The following CHD5 variants were observed in gnomAD, a reference collection of about 807,000 sequenced individuals.
CHD5 encodes the protein ATP-dependent chromatin remodeler CHD5.
A neutral mutation model predicts 230.3 loss-of-function variants in CHD5; 69 were observed. That is an observed-to-expected ratio of 0.30 (90% confidence interval 0.25 to 0.37). The LOEUF (loss-of-function observed/expected upper bound fraction) is 0.37. Among genes scored for constraint, CHD5 ranks in the 10% least tolerant of loss-of-function variants. The pLI, the probability that CHD5 is intolerant of heterozygous loss-of-function variation, is 1.00. For synonymous variants in CHD5, 1,064 were observed against 1,065.9 expected (o/e 1.00, Z 0.03); for missense variants, 1,827 against 2,622.8 (o/e 0.70, Z 6.63).
In CHD5 at chr1:6,154,733, A is replaced by C. The variant is rs1291303389; in HGVS notation, c.672T>G (p.Pro224=). 1.2e-6 allele frequency: 2 copies of C among 1,609,526 alleles called. No individual in the cohort carries two copies. Among genetic ancestry groups the C allele is most frequent in the Non-Finnish European group, 1.7e-6 (2 of 1,178,286 alleles). Residue 224 remains proline (P), a synonymous_variant, in exon 5 of 42, where the codon CCT becomes CCG. Transcript: ENST00000262450. The surrounding 1 kb of genome is among the most constrained non-coding windows in gnomAD (Gnocchi z 7.0). ...CCTGCGGGGGGCTGACGGCTAGCGG[A>C]GGGGAGATGGTGACCGTCTCTACAG... ...AAAVETVTIS[P]PLAVSPPQVP...
chr1:6,149,524 A>G, intron 7 of CHD5, 112 bp from the exon 8 acceptor site: 1 of 1,081,098 alleles, frequency 9.2e-7, no homozygotes, highest in South Asian at 2.2e-5. Flanking sequence ...TAGAGGGTGG[A>G]TGGAAAGGTG....
intron 1 of CHD5, among the ~76,000 whole-genome samples, chr1:6,176,833 C>T (rs1024649959): frequency 1.3e-5 from 2 of 152,238 alleles, no homozygotes; most frequent in African/African-American, 4.8e-5. Context: ...ATGCTCAGAG[C>T]TAGAAGCCAA....
intron 15 of CHD5, among the ~76,000 whole-genome samples, chr1:6,140,863 G>A (rs1180094101): frequency 6.6e-6 from 1 of 151,912 alleles, no homozygotes; most frequent in African/African-American, 2.4e-5. Flanking sequence ...AGCTGAGTGT[G>A]GTGGTGTGTA....
At chr1:6,137,707 T>A (rs1280647522) in intron 15 of CHD5, among the ~76,000 whole-genome samples, 1 of 152,256 alleles carries the variant, frequency 6.6e-6, no homozygotes, top group African/African-American at 2.4e-5. Flanking sequence ...ACAAATGGCA[T>A]AGCCAGGATA....
intron 25 of CHD5, 137 bp downstream of exon 25, chr1:6,127,909 C>G: frequency 1.4e-6 from 1 of 708,604 alleles, no homozygotes; most frequent in Non-Finnish European, 2.3e-6. Flanking sequence ...GGGGCTGCGG[C>G]TGGAGGGCGG....
At chr1:6,123,030 G>A (rs892109184) in intron 31 of CHD5, among the ~76,000 whole-genome samples, 1 of 150,494 alleles carries the variant, frequency 6.6e-6, no homozygotes, top group Non-Finnish European at 1.5e-5. Flanking sequence ...TCACTCCATC[G>A]CACTCCAGCC....
Position 6,136,504 on chromosome 1 carries a change from C to T in CHD5, c.2696+13G>A, listed in dbSNP as rs1235994750. The T allele has an allele frequency of 1.2e-6, 2 of 1,612,866 alleles. No individual in the cohort carries two copies. Among genetic ancestry groups the T allele is most frequent in the Non-Finnish European group, 1.7e-6 (2 of 1,179,814 alleles). On this transcript the variant is annotated intron_variant, in intron 17 of 41. Transcript: ENST00000262450. The stretch of plus-strand genomic sequence containing the variant: ...CCCACCACCACCTCCCTAGCCAGAT[C>T]CAGGTGACTCACTTGAACCTCTCTG...
intron 2 of CHD5, among the ~76,000 whole-genome samples, chr1:6,164,426 C>G (rs1667221932): frequency 6.6e-6 from 1 of 152,244 alleles, no homozygotes; most frequent in African/African-American, 2.4e-5. Context: ...CCTGCGCTCG[C>G]TAGGGTCTGA....
rs576702811 is a variant in CHD5 at position 6,167,191 on chromosome 1, C to T, written c.207+959G>A. ...GAAAGGTGGAGAGCTGGCCTCAGGT[C>T]CCCCCGGGGCAGGTGGGAGGGGAGA... is the stretch of plus-strand genomic sequence containing the variant. On this transcript the variant is annotated intron_variant, in intron 2 of 41. Coordinates refer to ENST00000262450, the MANE Select transcript of CHD5 (RefSeq NM_015557.3). This position sits in a 1 kb window ranked among gnomAD's most constrained non-coding sequence, Gnocchi z 4.5. Among the ~76,000 whole-genome samples, 35 of 151,442 alleles carry T rather than the reference C, an allele frequency of 2.3e-4. No individual in the cohort carries two copies. Among genetic ancestry groups the T allele is most frequent in the African/African-American group, 6.9e-4 (28 of 40,760 alleles).
At chr1:6,147,010 C>T in intron 9 of CHD5, 139 bp from the exon 10 acceptor site, 1 of 657,946 alleles carries the variant, frequency 1.5e-6, no homozygotes. Context: ...ACGGTGACGC[C>T]ATGACATCCA....
Position 6,124,664 on chromosome 1 carries a change from G to T in CHD5, c.4395-3C>A. ...GCATGAAGAGGGACACATAGGCTCT[G>T]GGGTGGGGGGGGGGGACTGGGGCTC... On this transcript the variant is annotated splice_polypyrimidine_tract_variant and splice_region_variant and intron_variant, in intron 29 of 41. Transcript: ENST00000262450. 7.1e-7 allele frequency: 1 copy of T among 1,401,876 alleles called. No homozygotes were observed. Among genetic ancestry groups the T allele is most frequent in the Non-Finnish European group, 9.7e-7 (1 of 1,031,652 alleles). 86.8% of individuals were successfully genotyped at this position (1,401,876 alleles called of 1,614,324 possible).
At chr1:6,135,805 C>T (rs953602904) in intron 17 of CHD5, among the ~76,000 whole-genome samples, 6 of 152,054 alleles carry the variant, frequency 3.9e-5, no homozygotes, top group Admixed American at 1.3e-4. Flanking sequence ...GTCGGGAGTT[C>T]AAGACCAGCC....
intron 15 of CHD5, among the ~76,000 whole-genome samples, chr1:6,139,587 A>G (rs1340034315): frequency 1.3e-5 from 2 of 150,658 alleles, no homozygotes; most frequent in Non-Finnish European, 3.0e-5. Context: ...TTGCCCAGGC[A>G]AGAGTACAAC....
At chr1:6,175,681 AATGGATGGATGG>A (rs545057422) in intron 1 of CHD5, among the ~76,000 whole-genome samples, 1 of 147,714 alleles carries the variant, frequency 6.8e-6, no homozygotes, top group Non-Finnish European at 1.5e-5. Flanking sequence ...AACAAGAACA[AATGGATGGATGG>A]ATGGATGGAT....
intron 9 of CHD5, among the ~76,000 whole-genome samples, chr1:6,147,997 C>G (rs927519534): frequency 6.6e-6 from 1 of 151,676 alleles, no homozygotes; most frequent in Non-Finnish European, 1.5e-5. Context: ...ACTCCTGCCC[C>G]CCTCCCATCC....
intron 1 of CHD5, among the ~76,000 whole-genome samples, chr1:6,178,379 CG>C (rs1198332093): frequency 6.6e-6 from 1 of 152,144 alleles, no homozygotes; most frequent in Non-Finnish European, 1.5e-5. Flanking sequence ...ACTCCACCAG[CG>C]GGTCGGTGCA....
rs1383048720 is a variant in CHD5, at chr1:6,128,643, A to G, written c.3620-34T>C. 10 of 1,542,194 alleles carry G rather than the reference A, an allele frequency of 6.5e-6. No homozygotes were observed. The African/African-American group carries it at 6.8e-5, about 10-fold the overall frequency. ...CAGAGAAGGAAAGCACTGGTGCAGG[A>G]CCACAGAGGGCTGCAGGGTTGGCGG... On this transcript the variant is annotated intron_variant, in intron 23 of 41. Transcript: ENST00000262450. This position sits in a 1 kb window ranked among gnomAD's most constrained non-coding sequence, Gnocchi z 7.8.
rs1666537792 is a variant in CHD5, at chr1:6,125,327, G to C, written c.4261-94C>G. 1.5e-6 allele frequency: 2 copies of C among 1,317,536 alleles called. No homozygotes were observed. Among genetic ancestry groups the C allele is most frequent in the Non-Finnish European group, 2.1e-6 (2 of 965,364 alleles). The allele number at this position is 1,317,536 out of a possible 1,614,324, so 81.6% of individuals were successfully genotyped here. On this transcript the variant is annotated intron_variant, in intron 28 of 41. Coordinates refer to ENST00000262450, the MANE Select transcript of CHD5 (RefSeq NM_015557.3). This position sits in a 1 kb window ranked among gnomAD's most constrained non-coding sequence, Gnocchi z 6.7. ...GGGGAAGAAAAGCATGGGAGGAGGA[G>C]AAGGTAGGAAGGGGGCACAGAGAAG...
chr1:6,151,719 C>G (rs1667011213), intron 6 of CHD5, among the ~76,000 whole-genome samples: 1 of 152,236 alleles, frequency 6.6e-6, no homozygotes, highest in African/African-American at 2.4e-5. Context: ...CGGGCCACAC[C>G]TTCTCTCCAT....
Sources: allele counts gnomAD v4.1 joint callset (sites outside exome capture counted in the v4.1 genomes callset), GRCh38; gene constraint gnomAD v4.1.1; non-coding constraint Gnocchi (gnomAD v3.1); transcripts MANE v1.5; gene names NCBI Gene and HGNC (gene_info 2026-07-23, HGNC 2026-07-21).